TMEM132D: variants seen among roughly 807,000 people sequenced by gnomAD.
The protein encoded by TMEM132D is mature OL transmembrane protein.
TMEM132D carries 21 observed loss-of-function variants against 62.3 expected under a neutral mutation model. That is an observed-to-expected ratio of 0.34 (90% CI 0.24 to 0.49). The LOEUF is 0.49. Ranked by LOEUF, TMEM132D falls within the 20% of genes least tolerant of loss-of-function variation. The pLI is 0.99. For missense variants in TMEM132D, 1,346 were observed against 1,402.8 expected (o/e 0.96, Z 0.65); for synonymous variants, 621 against 575.6 (o/e 1.08, Z -1.13).
intron 4 of TMEM132D, among the ~76,000 whole-genome samples, chr12:129,301,751 T>G (rs1393607856): frequency 6.6e-6 from 1 of 152,154 alleles, no homozygotes; most frequent in East Asian, 1.9e-4. Context: ...TGGGGGTCAT[T>G]GTCTCCACTT....
At chr12:129,836,107 T>C (rs888690446) in intron 1 of TMEM132D, among the ~76,000 whole-genome samples, 3 of 152,212 alleles carry the variant, frequency 2.0e-5, no homozygotes, top group African/African-American at 7.2e-5. Flanking sequence ...TCAATTGCCA[T>C]TGATTGGTTA....
intron 1 of TMEM132D, among the ~76,000 whole-genome samples, chr12:129,733,283 C>G (rs1477188925): frequency 6.6e-6 from 1 of 152,122 alleles, no homozygotes; most frequent in Non-Finnish European, 1.5e-5. Flanking sequence ...AAAAGATTTG[C>G]CCTTAGCCTG....
chr12:129,218,581 C>T (rs527738954), intron 4 of TMEM132D, among the ~76,000 whole-genome samples: 4 of 152,290 alleles, frequency 2.6e-5, no homozygotes, highest in South Asian at 2.1e-4. Flanking sequence ...CAGTGGTATA[C>T]GCAGTTCATT....
chr12:129,622,066 G>A (rs1004679352), intron 2 of TMEM132D, among the ~76,000 whole-genome samples: 5 of 152,182 alleles, frequency 3.3e-5, no homozygotes, highest in African/African-American at 9.7e-5. Context: ...TTCGCAAAAA[G>A]AGCCTCAGTA....
chr12:129,377,209 A>G lies in TMEM132D; in HGVS notation c.1116-39392T>C, dbSNP rs146225417. Among the ~76,000 whole-genome samples, 415 of 152,298 alleles carry G rather than the reference A, an allele frequency of 2.7e-3. 3 individuals carry two copies. The highest frequency in any genetic ancestry group is 9.5e-3 in the African/African-American group (394 of 41,580). On this transcript the variant is annotated intron_variant, in intron 3 of 8. Coordinates refer to ENST00000422113, the MANE Select transcript of TMEM132D (RefSeq NM_133448.3). The stretch of plus-strand genomic sequence containing the variant: ...TATGAAGGCATCGGGAGAAGGCAGC[A>G]TCTACAATCTTCAGAGAGAGGCCTC...
At chr12:129,392,926 T>C (rs1871327169) in intron 3 of TMEM132D, among the ~76,000 whole-genome samples, 1 of 152,180 alleles carries the variant, frequency 6.6e-6, no homozygotes. Flanking sequence ...GTTGTCAATG[T>C]CAATTATGAT....
intron 4 of TMEM132D, among the ~76,000 whole-genome samples, chr12:129,256,898 T>C (rs1224689727): frequency 6.6e-6 from 1 of 152,002 alleles, no homozygotes; most frequent in Non-Finnish European, 1.5e-5. Flanking sequence ...AATTTTAGCT[T>C]TGAGCCTTAT....
intron 3 of TMEM132D, among the ~76,000 whole-genome samples, chr12:129,479,696 G>T (rs908689962): frequency 6.6e-6 from 1 of 152,262 alleles, no homozygotes; most frequent in East Asian, 1.9e-4. Flanking sequence ...AACGCTGGGG[G>T]TGATGTGAGT....
intron 7 of TMEM132D, among the ~76,000 whole-genome samples, chr12:129,079,321 C>G (rs1171337816): frequency 6.6e-6 from 1 of 152,158 alleles, no homozygotes; most frequent in Non-Finnish European, 1.5e-5. Flanking sequence ...TGAGGAATAT[C>G]GTTGGGCATA....
At chr12:129,533,683 G>T (rs1460219015) in intron 2 of TMEM132D, among the ~76,000 whole-genome samples, 1 of 152,212 alleles carries the variant, frequency 6.6e-6, no homozygotes, top group Non-Finnish European at 1.5e-5. Flanking sequence ...TTCAACCCAT[G>T]AAGTATTCAA....
At chr12:129,183,472 G>C (rs974911487) in intron 5 of TMEM132D, among the ~76,000 whole-genome samples, 2 of 152,204 alleles carry the variant, frequency 1.3e-5, no homozygotes, top group Non-Finnish European at 2.9e-5. Context: ...TGCAGCCCAG[G>C]CGTATTTCCT....
chr12:129,271,013 T>C (rs775828774), intron 4 of TMEM132D, among the ~76,000 whole-genome samples: 20 of 152,224 alleles, frequency 1.3e-4, no homozygotes, highest in Non-Finnish European at 2.2e-4. Flanking sequence ...TCAAAGGCGT[T>C]ATTGTTAGGA....
At chr12:129,787,438 T>C (rs768839721) in intron 1 of TMEM132D, among the ~76,000 whole-genome samples, 21 of 152,244 alleles carry the variant, frequency 1.4e-4, no homozygotes, top group Non-Finnish European at 1.8e-4. Flanking sequence ...TCTGAGCCTC[T>C]GTTTCCCCTT....
At chr12:129,199,912 G>A (rs146740935) in intron 5 of TMEM132D, among the ~76,000 whole-genome samples, 85 of 152,118 alleles carry the variant, frequency 5.6e-4, no homozygotes, top group African/African-American at 1.9e-3. Context: ...ATTTGGGTGG[G>A]GACACAGCCA....
At chr12:129,568,094 G>A (rs1362278271) in intron 2 of TMEM132D, among the ~76,000 whole-genome samples, 2 of 152,238 alleles carry the variant, frequency 1.3e-5, no homozygotes, top group Non-Finnish European at 2.9e-5. Flanking sequence ...AGCTCTAAGT[G>A]GGGAGATGGA....
intron 4 of TMEM132D, among the ~76,000 whole-genome samples, chr12:129,321,365 A>G (rs1868699381): frequency 6.6e-6 from 1 of 152,176 alleles, no homozygotes; most frequent in African/African-American, 2.4e-5. Flanking sequence ...AAACTTCCCA[A>G]AGTTACTGTG....
chr12:129,099,504 C>T (rs1210322680), intron 5 of TMEM132D, among the ~76,000 whole-genome samples: 1 of 152,214 alleles, frequency 6.6e-6, no homozygotes, highest in Non-Finnish European at 1.5e-5. Context: ...TCAGATGCCC[C>T]CTCACAGAAG....
At chr12:129,800,385 A>AT (rs113973681) in intron 1 of TMEM132D, among the ~76,000 whole-genome samples, 3 of 152,114 alleles carry the variant, frequency 2.0e-5, no homozygotes, top group African/African-American at 7.2e-5. Context: ...AAAAAAAAAA[A>AT]AGGGCGGGGG....
At position 129,227,336 on chromosome 12, in the gene TMEM132D, C is replaced by T. The variant is rs1007446243; in HGVS notation, c.1300-17673G>A. Among the ~76,000 whole-genome samples, 6 of 83,582 alleles carry T rather than the reference C, an allele frequency of 7.2e-5. No homozygotes were observed. The East Asian group carries it at 1.8e-3, about 26-fold the overall frequency. 54.8% of individuals were successfully genotyped at this position (83,582 alleles called of 152,430 possible). A position where few individuals can be genotyped will look rare whatever the true frequency, so the allele number is the denominator to read the frequency against. ...ATATATATATATATATGGCGCAAGT[C>T]GGAGTTTTTCCGAAGACACTTGATT... is the stretch of plus-strand genomic sequence containing the variant. On this transcript the variant is annotated intron_variant, in intron 4 of 8. Coordinates refer to ENST00000422113, the MANE Select transcript of TMEM132D (RefSeq NM_133448.3).
Sources: gnomAD v4.1 joint callset for allele counts (sites outside exome capture counted in the v4.1 genomes callset) on GRCh38, gnomAD v4.1.1 for gene constraint, MANE v1.5 for transcripts, NCBI Gene and HGNC (gene_info 2026-07-23, HGNC 2026-07-21) for gene names.